ARSB: variants seen among roughly 807,000 people sequenced by gnomAD.
The protein encoded by ARSB is arylsulfatase B, also known as N-acetylgalactosamine-4-sulfatase.
In ARSB, 41 loss-of-function variants were observed where a neutral mutation model predicts 50.9. The observed-to-expected ratio is 0.81, with a 90% CI of 0.63 to 1.04. ARSB has a LOEUF of 1.04. ARSB is among the 50% of genes least tolerant of loss of function. The pLI, the probability that ARSB is intolerant of heterozygous loss-of-function variation, is 0.00. For synonymous variants in ARSB, 269 were observed against 284.8 expected, an observed-to-expected ratio of 0.94 and a Z score of 0.56; for missense variants, 672 against 693.3, an observed-to-expected ratio of 0.97 and a Z score of 0.35.
intron 6 of ARSB, among the ~76,000 whole-genome samples, chr5:78,826,450 T>C (rs1744435890): frequency 6.6e-6 from 1 of 152,226 alleles, no homozygotes; most frequent in African/African-American, 2.4e-5. Context: ...GACTAAATTG[T>C]CTGCCCTCGT....
Position 78,858,847 on chromosome 5 carries a change from G to C in ARSB, c.1143-19421C>G, listed in dbSNP as rs1410111563. On this transcript the variant is annotated intron_variant, in intron 5 of 7. Transcript: ENST00000264914. ...GAGTTCTTACAATGTTCCAGGCATG[G>C]TGCTAAATGTTTCAAACACACTCTC... Among the ~76,000 whole-genome samples the C allele has an allele frequency of 3.9e-5, 6 of 152,160 alleles. 1 individual carries two copies. Among genetic ancestry groups the C allele is most frequent in the Admixed American group, 3.9e-4 (6 of 15,280 alleles).
At chr5:78,861,715 C>T (rs1561466478) in intron 5 of ARSB, among the ~76,000 whole-genome samples, 1 of 152,262 alleles carries the variant, frequency 6.6e-6, no homozygotes, top group Non-Finnish European at 1.5e-5. Flanking sequence ...GACAGGGATG[C>T]CCTCTTTCAC....
intron 6 of ARSB, among the ~76,000 whole-genome samples, chr5:78,835,312 TGTTGGCAGGGAGCGGG>T (rs1744901722): frequency 6.6e-6 from 1 of 151,966 alleles, no homozygotes. Flanking sequence ...ATGGGGTGTG[TGTTGGCAGGGAGCGGG>T]GGAGGTGTAG....
At chr5:78,809,944 AC>A (rs928604855) in intron 6 of ARSB, among the ~76,000 whole-genome samples, 20 of 152,168 alleles carry the variant, frequency 1.3e-4, no homozygotes, top group African/African-American at 4.3e-4. Context: ...CACAAGCAGG[AC>A]CCATCTCTGG....
intron 6 of ARSB, among the ~76,000 whole-genome samples, chr5:78,810,453 A>G (rs1363684278): frequency 6.6e-6 from 1 of 152,204 alleles, no homozygotes; most frequent in Non-Finnish European, 1.5e-5. Flanking sequence ...GAGATTGTCT[A>G]GAGAATTTGG....
chr5:78,983,123 G>A (rs1295438700), intron 1 of ARSB, among the ~76,000 whole-genome samples: 9 of 152,068 alleles, frequency 5.9e-5, no homozygotes, highest in East Asian at 1.9e-4. Context: ...GTGCGATCTC[G>A]GCTCACTGCA....
In ARSB at chr5:78,985,002, C is replaced by A. The variant is rs1247117898; in HGVS notation, c.247G>T (p.Asp83Tyr). 3 of 1,539,254 alleles carry A rather than the reference C, an allele frequency of 1.9e-6. No homozygotes were observed. Among genetic ancestry groups the A allele is most frequent in the Non-Finnish European group, 1.7e-6 (2 of 1,146,334 alleles). The part of the protein sequence containing the change: ...DALAAGGVLL[D>Y]NYYTQPLCTP... ...CACAGCGGCTGCGTGTAGTAGTTGT[C>A]CAGGAGCACCCCGCCGGCCGCCAGC... The change falls in exon 1 of 8, where the codon GAC becomes TAC. Residue 83 changes from aspartate (D) to tyrosine (Y), a missense_variant. Asp to Tyr is a radical substitution (Grantham distance 160). Transcript: ENST00000264914.
At chr5:78,781,323 CTTTTTT>C (rs376851173) in intron 7 of ARSB, among the ~76,000 whole-genome samples, 19 of 75,352 alleles carry the variant, frequency 2.5e-4, no homozygotes, top group Admixed American at 1.0e-3. Flanking sequence ...CTCTCTCTCT[CTTTTTT>C]TTTTTTTTTT....
At chr5:78,933,547 G>C (rs1005634415) in intron 4 of ARSB, among the ~76,000 whole-genome samples, 1 of 151,884 alleles carries the variant, frequency 6.6e-6, no homozygotes, top group Non-Finnish European at 1.5e-5. Context: ...CTGTTTTTCA[G>C]AGAAGTCTGC....
chr5:78,856,597 T>C (rs976740059), intron 5 of ARSB, among the ~76,000 whole-genome samples: 1 of 152,222 alleles, frequency 6.6e-6, no homozygotes, highest in Non-Finnish European at 1.5e-5. Context: ...CAATATCAAC[T>C]CTTGTGATCA....
At chr5:78,900,636 T>A (rs977140137) in intron 4 of ARSB, among the ~76,000 whole-genome samples, 1 of 152,172 alleles carries the variant, frequency 6.6e-6, no homozygotes, top group East Asian at 1.9e-4. Context: ...AAAATCTCAA[T>A]GCTATATATT....
At chr5:78,808,847 C>T (rs924433344) in intron 6 of ARSB, among the ~76,000 whole-genome samples, 1 of 152,170 alleles carries the variant, frequency 6.6e-6, no homozygotes, top group Admixed American at 6.5e-5. Context: ...TCCCTCTGCT[C>T]GGGTCAACGA....
intron 4 of ARSB, among the ~76,000 whole-genome samples, chr5:78,911,501 G>A (rs1199692089): frequency 7.1e-6 from 1 of 140,802 alleles, no homozygotes; most frequent in East Asian, 2.1e-4. Flanking sequence ...TTGAAACCAG[G>A]AGGCGGAGGT....
chr5:78,809,338 A>G (rs1743709893), intron 6 of ARSB, among the ~76,000 whole-genome samples: 1 of 152,240 alleles, frequency 6.6e-6, no homozygotes, highest in Admixed American at 6.5e-5. Context: ...GAAAGGCAGG[A>G]AAGGTCACTT....
At chr5:78,889,341 C>G (rs1179039755) in intron 4 of ARSB, among the ~76,000 whole-genome samples, 14 of 152,174 alleles carry the variant, frequency 9.2e-5, no homozygotes, top group Admixed American at 9.2e-4. Context: ...TTCTCATTTT[C>G]CCTTCTAGTT....
chr5:78,796,946 C>T lies in ARSB; in HGVS notation c.1214-14972G>A, dbSNP rs576826127. Among the ~76,000 whole-genome samples the T allele has an allele frequency of 6.5e-4, 93 of 143,566 alleles. No homozygotes were observed. The South Asian group carries it at 6.7e-3, about 10-fold the overall frequency. 94.2% of individuals were successfully genotyped at this position (143,566 alleles called of 152,430 possible). A position where few individuals can be genotyped will look rare whatever the true frequency, so the allele number is the denominator to read the frequency against. On this transcript the variant is annotated intron_variant, in intron 6 of 7. Transcript: ENST00000264914. ...AGGCTGGAGTGCAGTGGCGGGATCT[C>T]GGCTCACTGCAAGCTCCGCCTCCCG... is the stretch of plus-strand genomic sequence containing the variant.
At chr5:78,836,715 C>G (rs1332993340) in intron 6 of ARSB, among the ~76,000 whole-genome samples, 1 of 152,160 alleles carries the variant, frequency 6.6e-6, no homozygotes, top group Non-Finnish European at 1.5e-5. Context: ...CACCAAGAAC[C>G]CTGCAGCACA....
At position 78,780,291 on chromosome 5, in the gene ARSB, G is replaced by A; in HGVS notation, c.*106C>T. On this transcript the variant is annotated 3_prime_UTR_variant, in exon 8 of 8. Transcript: ENST00000264914. ...ACCTCGGTGTGGTTTAAGAGCAAGAGAAGGGCCAAGTGAACCCAGGTTGGG... is the reference window on the plus strand; with the variant it reads ...ACCTCGGTGTGGTTTAAGAGCAAGAAAAGGGCCAAGTGAACCCAGGTTGGG... 1 of 1,503,690 alleles carries A rather than the reference G, an allele frequency of 6.7e-7. No homozygotes were observed. Among genetic ancestry groups the A allele is most frequent in the South Asian group, 1.1e-5 (1 of 87,742 alleles). 93.1% of individuals were successfully genotyped at this position (1,503,690 alleles called of 1,614,324 possible).
intron 4 of ARSB, among the ~76,000 whole-genome samples, chr5:78,913,565 T>A (rs1210967394): frequency 6.6e-6 from 1 of 152,230 alleles, no homozygotes; most frequent in African/African-American, 2.4e-5. Flanking sequence ...ATGCTATAAT[T>A]AAACACAAAT....
Sources: allele counts gnomAD v4.1 joint callset (sites outside exome capture counted in the v4.1 genomes callset), GRCh38; gene constraint gnomAD v4.1.1; transcripts MANE v1.5; gene names NCBI Gene and HGNC (gene_info 2026-07-23, HGNC 2026-07-21).